Variants in ZNF74 observed in about 807,000 individuals in gnomAD.
ZNF74 encodes zinc finger protein 74.
In ZNF74, 12 loss-of-function variants were observed where a neutral mutation model predicts 17.7. The observed-to-expected ratio is 0.68, with a 90% CI of 0.43 to 1.10. The LOEUF is 1.10. Among genes scored for constraint, ZNF74 ranks in the 50% least tolerant of loss-of-function variants. The pLI, the probability that ZNF74 is intolerant of heterozygous loss-of-function variation, is 0.00. For missense variants in ZNF74, 811 were observed against 881.0 expected (o/e 0.92, Z 1.01); for synonymous variants, 358 against 362.1 (o/e 0.99, Z 0.13).
At chr22:20,402,048 G>A (rs1281277098) in intron 4 of ZNF74, among the ~76,000 whole-genome samples, 1 of 152,218 alleles carries the variant, frequency 6.6e-6, no homozygotes. Context: ...CTTCTCTTCT[G>A]AGTTGGTTGA....
Position 20,405,688 on chromosome 22 carries a change from G to A in ZNF74, c.655G>A (p.Ala219Thr). 1 of 1,608,702 alleles carries A rather than the reference G, an allele frequency of 6.2e-7. No individual in the cohort carries two copies. The highest frequency in any genetic ancestry group is 8.5e-7 in the Non-Finnish European group (1 of 1,177,696). The part of the protein sequence containing the change: ...GRTKAPARLC[A>T]GENASTPSEP... Reference sequence around the variant, plus strand: ...AACCAAGGCCCCCGCGAGACTGTGTGCAGGGGAAAACGCCTCCACGCCAAG... The same window carrying A: ...AACCAAGGCCCCCGCGAGACTGTGTACAGGGGAAAACGCCTCCACGCCAAG... Residue 219 changes from alanine (A) to threonine (T), a missense_variant, in exon 5 of 5, where the codon GCA (alanine) becomes ACA (threonine). Around this residue, in one of 3 missense-constraint regions of ZNF74, gnomAD observed 666 missense variants for 702.3 expected, o/e 0.95. Transcript: ENST00000400451.
chr22:20,405,902 A>G lies in ZNF74; in HGVS notation c.869A>G (p.Asn290Ser), dbSNP rs1407371912. ...GGCAAGGCCTTCACCTGGAGCACCA[A>G]CCTTCTGGAGCACCGGCGCATCCAC... is the stretch of plus-strand genomic sequence containing the variant. ...ECGKAFTWSTNLLEHRRIHTG... is the reference protein window; with the variant it reads ...ECGKAFTWSTSLLEHRRIHTG... Residue 290 changes from asparagine (N) to serine (S), a missense_variant, in exon 5 of 5, where the codon AAC (asparagine) becomes AGC (serine). Physicochemically the swap from Asn to Ser is conservative, Grantham distance 46 (BLOSUM62 1). This residue lies in a region of ZNF74 where 666 missense variants were observed against 702.3 expected (regional missense o/e 0.95). Transcript: ENST00000400451. The G allele has an allele frequency of 1.2e-6, 2 of 1,613,440 alleles. No homozygotes were observed. Among genetic ancestry groups the G allele is most frequent in the African/African-American group, 2.7e-5 (2 of 74,790 alleles).
chr22:20,404,590 G>A (rs1032431040), intron 4 of ZNF74, among the ~76,000 whole-genome samples: 4 of 152,140 alleles, frequency 2.6e-5, no homozygotes, highest in African/African-American at 9.7e-5. Context: ...AAAGTGCTGG[G>A]ATTACAGGTA....
chr22:20,395,068 C>T (rs536797070), intron 1 of ZNF74: 1 of 460,982 alleles, frequency 2.2e-6, no homozygotes, highest in Non-Finnish European at 3.9e-6. Context: ...CTTCTTTCTT[C>T]CCCGCGCCCA....
chr22:20,399,029 A>G (rs2052328682), intron 2 of ZNF74, among the ~76,000 whole-genome samples: 1 of 152,240 alleles, frequency 6.6e-6, no homozygotes, highest in Non-Finnish European at 1.5e-5. Context: ...TCATCAAAGA[A>G]TGAACTTTGT....
At chr22:20,405,273 C>G (rs1470839828) in intron 4 of ZNF74, 104 bp from the exon 5 acceptor site, 1 of 1,296,814 alleles carries the variant, frequency 7.7e-7, no homozygotes, top group Non-Finnish European at 1.1e-6. Context: ...GGTGGCCTCT[C>G]CTCTCTTTTC....
Position 20,405,814 on chromosome 22 carries a change from TCCTC to T in ZNF74, c.786_789del (p.Leu263ArgfsTer347). The stretch of plus-strand genomic sequence containing the variant: ...GTGCGGGAAGGCGTTCCGCCAGAGC[TCCTC>T]CCTCACGCTGCACCGGCGCTGGCAC... On this transcript the variant is annotated frameshift_variant, in exon 5 of 5. Coordinates refer to ENST00000400451, the MANE Select transcript of ZNF74 (RefSeq NM_003426.4). LOFTEE classifies it low-confidence loss of function (END_TRUNC). The T allele has an allele frequency of 6.2e-7, 1 of 1,612,536 alleles. No homozygotes were observed. Among genetic ancestry groups the T allele is most frequent in the Non-Finnish European group, 8.5e-7 (1 of 1,179,706 alleles).
At position 20,408,149 on chromosome 22, in the gene ZNF74, C is replaced by T. The variant is rs930116518; in HGVS notation, c.*1181C>T. ...GAGGGGAAGCTGAAGCCCAGGGAGA[C>T]GGGCTCCATGGTGGTCCCACATGGA... On this transcript the variant is annotated 3_prime_UTR_variant, in exon 5 of 5. Transcript: ENST00000400451. The T allele has an allele frequency of 5.3e-5, 8 of 152,210 alleles. No individual in the cohort carries two copies. Among genetic ancestry groups the T allele is most frequent in the Admixed American group, 4.6e-4 (7 of 15,276 alleles). The allele number at this position is 152,210 out of a possible 1,614,324, so 9.4% of individuals were successfully genotyped here.
At chr22:20,395,304 G>T in intron 1 of ZNF74, 29 bp from the exon 2 acceptor site, 2 of 1,548,612 alleles carry the variant, frequency 1.3e-6, no homozygotes, top group Non-Finnish European at 8.9e-7. Context: ...CCTGGTAGCC[G>T]TGACCTTGAC....
Position 20,401,326 on chromosome 22 carries a change from G to C in ZNF74, c.297G>C (p.Glu99Asp). Residue 99 changes from glutamate (E) to aspartate (D), a missense_variant, in exon 4 of 5, where the codon GAG (glutamate) becomes GAC (aspartate). Glu to Asp is a conservative substitution (Grantham distance 45, BLOSUM62 2). Coordinates refer to ENST00000400451, the MANE Select transcript of ZNF74 (RefSeq NM_003426.4). This position sits in a 1 kb window ranked among gnomAD's most constrained non-coding sequence, Gnocchi z 4.2. ...PDVISHLERGEEPWSMQREVP... is the reference protein window; with the variant it reads ...PDVISHLERGDEPWSMQREVP... ...TGATCTCTCATCTGGAACGAGGCGA[G>C]GAGCCATGGAGCATGCAGAGGGAAG... 6.2e-7 allele frequency: 1 copy of C among 1,611,472 alleles called. No homozygotes were observed. The highest frequency in any genetic ancestry group is 8.5e-7 in the Non-Finnish European group (1 of 1,178,900).
chr22:20,407,012 A>T lies in ZNF74; in HGVS notation c.*44A>T. 6.4e-7 allele frequency: 1 copy of T among 1,556,698 alleles called. No homozygotes were observed. The highest frequency in any genetic ancestry group is 1.2e-5 in the South Asian group (1 of 80,864). On this transcript the variant is annotated 3_prime_UTR_variant, in exon 5 of 5. Coordinates refer to ENST00000400451, the MANE Select transcript of ZNF74 (RefSeq NM_003426.4). ...CAGTAGCTGCTTTCTGAGCTACTCAACAAGGAAAGCACCCTGGTCCTCCCT... is the reference window on the plus strand; with the variant it reads ...CAGTAGCTGCTTTCTGAGCTACTCATCAAGGAAAGCACCCTGGTCCTCCCT...
chr22:20,394,759 ATCT>A lies in ZNF74; in HGVS notation c.34+99_34+101del. The A allele has an allele frequency of 3.4e-6, 4 of 1,178,030 alleles. No individual in the cohort carries two copies. The South Asian group carries it at 5.6e-5, about 16-fold the overall frequency. 73.0% of individuals were successfully genotyped at this position (1,178,030 alleles called of 1,614,324 possible). On this transcript the variant is annotated intron_variant, in intron 1 of 4. Transcript: ENST00000400451. ...GGCCAGTTTCCCAGAAGCATCCAGC[ATCT>A]TTTTTTTTTTTTTTAAATGGAATCT...
chr22:20,406,815 C>T lies in ZNF74; in HGVS notation c.1782C>T (p.Ser594=). 1 of 1,614,086 alleles carries T rather than the reference C, an allele frequency of 6.2e-7. No individual in the cohort carries two copies. Among genetic ancestry groups the T allele is most frequent in the Non-Finnish European group, 8.5e-7 (1 of 1,180,030 alleles). Residue 594 remains serine (S), a synonymous_variant, in exon 5 of 5, where the codon AGC becomes AGT. Transcript: ENST00000400451. ...TCCAGTTCAACAAACACCTGCTCAGCACATACTACGTGCCTGGCAGCCTGC... is the reference window on the plus strand; with the variant it reads ...TCCAGTTCAACAAACACCTGCTCAGTACATACTACGTGCCTGGCAGCCTGC... ...LAIQFNKHLL[S]TYYVPGSLLG...
Position 20,406,038 on chromosome 22 carries a change from C to G in ZNF74, c.1005C>G (p.Ser335Arg), listed in dbSNP as rs761775955. The G allele has an allele frequency of 6.2e-7, 1 of 1,613,466 alleles. No individual in the cohort carries two copies. Among genetic ancestry groups the G allele is most frequent in the African/African-American group, 1.3e-5 (1 of 74,992 alleles). Reference sequence around the variant, plus strand: ...CGGGCGAGCGGCCCTACAAGTGCAGCGCCTGCGAGAAGGCCTTCAGCTGCA... The same window carrying G: ...CGGGCGAGCGGCCCTACAAGTGCAGGGCCTGCGAGAAGGCCTTCAGCTGCA... Reference protein sequence around the residue: ...IHTGERPYKCSACEKAFSCSS... With the variant: ...IHTGERPYKCRACEKAFSCSS... Residue 335 changes from serine to arginine, a missense_variant, in exon 5 of 5, where the codon AGC (serine) becomes AGG (arginine). This residue lies in a region of ZNF74 where 666 missense variants were observed against 702.3 expected (regional missense o/e 0.95). Transcript: ENST00000400451.
At position 20,406,213 on chromosome 22, in the gene ZNF74, G is replaced by A. The variant is rs202079216; in HGVS notation, c.1180G>A (p.Gly394Ser). 1.2e-6 allele frequency: 2 copies of A among 1,612,188 alleles called. No individual in the cohort carries two copies. Among genetic ancestry groups the A allele is most frequent in the East Asian group, 2.2e-5 (1 of 44,800 alleles). ...GAAGCCCTACCAGTGCGGCTCCTGC[G>A]GCAAGGCCTTCACCTGCCACTCATC... The part of the protein sequence containing the change: ...GEKPYQCGSC[G>S]KAFTCHSSLT... The change falls in exon 5 of 5, where the codon GGC (glycine) becomes AGC (serine). Residue 394 changes from glycine to serine, a missense_variant. Physicochemically the swap from Gly to Ser is moderately conservative, Grantham distance 56 (BLOSUM62 0). This residue lies in a region of ZNF74 where 666 missense variants were observed against 702.3 expected (regional missense o/e 0.95). Coordinates refer to ENST00000400451, the MANE Select transcript of ZNF74 (RefSeq NM_003426.4).
chr22:20,394,189 CT>C lies in ZNF74; in HGVS notation c.-436del. On this transcript the variant is annotated 5_prime_UTR_variant, in exon 1 of 5. Coordinates refer to ENST00000400451, the MANE Select transcript of ZNF74 (RefSeq NM_003426.4). ...GCTGCTCTTTGTGGCAGTCGCAGTCCTTTTGTGGGAGTCCGGTCTGTCCACT... is the reference window on the plus strand; with the variant it reads ...GCTGCTCTTTGTGGCAGTCGCAGTCCTTTGTGGGAGTCCGGTCTGTCCACT... 3.1e-6 allele frequency: 2 copies of C among 653,970 alleles called. No individual in the cohort carries two copies. Among genetic ancestry groups the C allele is most frequent in the Admixed American group, 2.3e-5 (1 of 43,032 alleles). The allele number at this position is 653,970 out of a possible 1,614,324, so 40.5% of individuals were successfully genotyped here. A position where few individuals can be genotyped will look rare whatever the true frequency, so the allele number is the denominator to read the frequency against.
At chr22:20,399,768 T>TA (rs1380766533) in intron 2 of ZNF74, 2 of 210,258 alleles carry the variant, frequency 9.5e-6, no homozygotes, top group African/African-American at 4.8e-5. Flanking sequence ...ATTAGTTTTC[T>TA]ATGTCTTATG....
At position 20,406,039 on chromosome 22, in the gene ZNF74, G is replaced by A. The variant is rs867963710; in HGVS notation, c.1006G>A (p.Ala336Thr). ...HTGERPYKCS[A>T]CEKAFSCSSL... ...GGGCGAGCGGCCCTACAAGTGCAGC[G>A]CCTGCGAGAAGGCCTTCAGCTGCAG... The change falls in exon 5 of 5, where the codon GCC becomes ACC. Residue 336 changes from alanine (A) to threonine (T), a missense_variant. Ala to Thr is a moderately conservative substitution (Grantham distance 58, BLOSUM62 0). Coordinates refer to ENST00000400451, the MANE Select transcript of ZNF74 (RefSeq NM_003426.4). 1.2e-6 allele frequency: 2 copies of A among 1,612,788 alleles called. No homozygotes were observed. Among genetic ancestry groups the A allele is most frequent in the Admixed American group, 1.7e-5 (1 of 59,904 alleles).
chr22:20,405,526 G>A lies in ZNF74; in HGVS notation c.493G>A (p.Ala165Thr), dbSNP rs2052405343. 6.2e-7 allele frequency: 1 copy of A among 1,602,246 alleles called. No individual in the cohort carries two copies. Among genetic ancestry groups the A allele is most frequent in the African/African-American group, 1.3e-5 (1 of 74,392 alleles). ...ALQRSQAAPW[A>T]PAPAMVWDVP... ...GCAGAGGAGTCAGGCTGCGCCCTGG[G>A]CGCCCGCACCTGCCATGGTCTGGGA... Residue 165 changes from alanine to threonine, a missense_variant, in exon 5 of 5, where the codon GCG (alanine) becomes ACG (threonine). Coordinates refer to ENST00000400451, the MANE Select transcript of ZNF74 (RefSeq NM_003426.4).
Sources: gnomAD v4.1 joint callset for allele counts (sites outside exome capture counted in the v4.1 genomes callset) on GRCh38, gnomAD v4.1.1 for gene constraint, gnomAD v4.1.1 regional missense constraint, Gnocchi (gnomAD v3.1) non-coding constraint, MANE v1.5 for transcripts, NCBI Gene and HGNC (gene_info 2026-07-23, HGNC 2026-07-21) for gene names.